Variants in EFHD1 observed in about 807,000 individuals in gnomAD.
The protein encoded by EFHD1 is EF-hand domain family member D1, also known as EF-hand domain-containing protein D1.
Under a neutral mutation model 17.2 loss-of-function variants are expected in EFHD1, and 10 were observed. The observed-to-expected ratio is 0.58, with a 90% CI of 0.36 to 0.99. The LOEUF (loss-of-function observed/expected upper bound fraction) is 0.99, where lower values mean the gene tolerates loss of function less well. Ranked by LOEUF, EFHD1 falls within the 50% of genes least tolerant of loss-of-function variation. The probability of loss-of-function intolerance (pLI) is 0.01; values close to 1 mark genes in which losing one functional copy is unlikely to be tolerated. For missense variants in EFHD1, 310 were observed against 327.5 expected (o/e 0.95, Z 0.41); for synonymous variants, 153 against 142.0 (o/e 1.08, Z -0.55).
chr2:232,674,918 G>T (rs541198480), intron 3 of EFHD1, among the ~76,000 whole-genome samples: 2 of 152,248 alleles, frequency 1.3e-5, no homozygotes, highest in African/African-American at 4.8e-5. Context: ...TACAGGATGT[G>T]TGAGGGAGCA....
chr2:232,631,928 A>G (rs1419163206), upstream of EFHD1, among the ~76,000 whole-genome samples: 1 of 151,886 alleles, frequency 6.6e-6, no homozygotes, highest in Non-Finnish European at 1.5e-5. Context: ...ACTTGAACCC[A>G]GGAGGCAGGG....
intron 1 of EFHD1, among the ~76,000 whole-genome samples, chr2:232,660,007 C>A (rs930507824): frequency 6.6e-6 from 1 of 152,088 alleles, no homozygotes; most frequent in Admixed American, 6.6e-5. Flanking sequence ...GGTGCAGAAC[C>A]ATTTGTGAGA....
chr2:232,664,357 T>C (rs1328751292), intron 2 of EFHD1, among the ~76,000 whole-genome samples: 2 of 150,594 alleles, frequency 1.3e-5, no homozygotes, highest in South Asian at 2.1e-4. Flanking sequence ...CCCAGGCTGG[T>C]CTCCGACTCA....
At chr2:232,606,146 T>C in exon 1 of EFHD1, 1 of 1,550,132 alleles carries the variant, frequency 6.5e-7, no homozygotes, top group Non-Finnish European at 8.7e-7. Context: ...ACGCTGACAG[T>C]CCCCAGACAT....
At chr2:232,630,044 G>A (rs761429680), upstream of EFHD1, among the ~76,000 whole-genome samples, 59 of 152,036 alleles carry the variant, frequency 3.9e-4, 1 homozygote, top group Non-Finnish European at 7.1e-4. Flanking sequence ...CCACCTCCCA[G>A]GTTCAAGCGA....
At chr2:232,649,244 G>A (rs766111345) in intron 1 of EFHD1, among the ~76,000 whole-genome samples, 1 of 152,150 alleles carries the variant, frequency 6.6e-6, no homozygotes, top group Non-Finnish European at 1.5e-5. Context: ...GAGTCACCTC[G>A]GGCCCTTTGG....
intron 2 of EFHD1, among the ~76,000 whole-genome samples, chr2:232,667,315 T>C (rs1042511627): frequency 2.6e-5 from 4 of 152,040 alleles, no homozygotes; most frequent in African/African-American, 7.2e-5. Context: ...GATTTTGAAA[T>C]TGGGGCTGAA....
At chr2:232,646,595 C>T (rs562997257) in intron 1 of EFHD1, among the ~76,000 whole-genome samples, 1 of 152,120 alleles carries the variant, frequency 6.6e-6, no homozygotes, top group South Asian at 2.1e-4. Context: ...CAGGCATGCG[C>T]CACCATGCCC....
At chr2:232,664,606 GTTTTTTTTTTT>G (rs57219644) in intron 2 of EFHD1, among the ~76,000 whole-genome samples, 1 of 62,678 alleles carries the variant, frequency 1.6e-5, no homozygotes, top group Non-Finnish European at 2.8e-5. Context: ...CCCCAAAATA[GTTTTTTTTTTT>G]TTTTTTTTTT....
At chr2:232,659,163 C>T (rs1441708302) in intron 1 of EFHD1, among the ~76,000 whole-genome samples, 3 of 152,264 alleles carry the variant, frequency 2.0e-5, no homozygotes, top group East Asian at 3.9e-4. Context: ...AGCTCACCAA[C>T]AGCCACCCAG....
intron 1 of EFHD1, among the ~76,000 whole-genome samples, chr2:232,616,815 G>T (rs1050914661): frequency 4.4e-5 from 6 of 137,858 alleles, no homozygotes; most frequent in African/African-American, 1.5e-4. Context: ...TGGTTAAGAT[G>T]ATGGTAAATT....
At chr2:232,631,053 C>A (rs1481780234), upstream of EFHD1, among the ~76,000 whole-genome samples, 1 of 151,982 alleles carries the variant, frequency 6.6e-6, no homozygotes, top group Non-Finnish European at 1.5e-5. Flanking sequence ...TGGTGAAACC[C>A]CGTCTCTACT....
upstream of EFHD1, among the ~76,000 whole-genome samples, chr2:232,632,345 G>A (rs565300634): frequency 9.9e-5 from 15 of 152,268 alleles, no homozygotes; most frequent in African/African-American, 3.4e-4. Flanking sequence ...GCACTCGCAT[G>A]CCAAAGGCTG....
At chr2:232,665,145 A>G (rs1054167868) in intron 2 of EFHD1, among the ~76,000 whole-genome samples, 6 of 152,162 alleles carry the variant, frequency 3.9e-5, no homozygotes, top group Admixed American at 3.3e-4. Context: ...CAATAGTCCA[A>G]GAATGGACTT....
rs754872220 is a variant in EFHD1, at chr2:232,669,315, A to G, written c.451-2994A>G. Among the ~76,000 whole-genome samples, 7 of 152,172 alleles carry G rather than the reference A, an allele frequency of 4.6e-5. No homozygotes were observed. In the South Asian group the frequency reaches 1.2e-3, roughly 27 times the overall value. ...AGTTTGAAGCTGCAGGTGGTTGAAC[A>G]TGGCTGACCGTCGGCCTCTCCGTGG... On this transcript the variant is annotated intron_variant, in intron 2 of 3. Transcript: ENST00000264059.
intron 1 of EFHD1, among the ~76,000 whole-genome samples, chr2:232,610,428 C>T (rs1032058020): frequency 4.6e-5 from 7 of 152,178 alleles, no homozygotes; most frequent in East Asian, 3.9e-4. Context: ...ACACAAAATT[C>T]GCCAGGTGTG....
chr2:232,646,010 C>G (rs1334315886), intron 1 of EFHD1, among the ~76,000 whole-genome samples: 1 of 152,190 alleles, frequency 6.6e-6, no homozygotes, highest in Non-Finnish European at 1.5e-5. Context: ...GGCACAGTCT[C>G]TGCAGGCAGC....
At chr2:232,634,833 A>G (rs571793913) in intron 1 of EFHD1, among the ~76,000 whole-genome samples, 142 of 152,214 alleles carry the variant, frequency 9.3e-4, no homozygotes, top group Non-Finnish European at 1.5e-3. Context: ...TGCACCCGGT[A>G]AGCTCTTAAC....
At chr2:232,655,931 C>T (rs1379322809) in intron 1 of EFHD1, among the ~76,000 whole-genome samples, 10 of 152,096 alleles carry the variant, frequency 6.6e-5, no homozygotes, top group Non-Finnish European at 1.2e-4. Flanking sequence ...CTCAGCTTCC[C>T]GAGTAGCTGG....
Sources: gnomAD v4.1 joint callset for allele counts (sites outside exome capture counted in the v4.1 genomes callset) on GRCh38, gnomAD v4.1.1 for gene constraint, MANE v1.5 for transcripts, NCBI Gene and HGNC (gene_info 2026-07-23, HGNC 2026-07-21) for gene names.